CACYBP: variants seen among roughly 807,000 people sequenced by gnomAD.
The protein encoded by CACYBP is calcyclin-binding protein.
CACYBP carries 11 observed loss-of-function variants against 29.6 expected under a neutral mutation model. The ratio of observed to expected loss-of-function variants is 0.37; its 90% confidence interval spans 0.23 to 0.61. CACYBP has a LOEUF of 0.61. Ranked by LOEUF, CACYBP falls within the 20% of genes least tolerant of loss-of-function variation. The probability of loss-of-function intolerance (pLI) is 0.65; values close to 1 mark genes in which losing one functional copy is unlikely to be tolerated. For synonymous variants in CACYBP, 73 were observed against 88.3 expected (o/e 0.83, Z 0.97); for missense variants, 163 against 260.7 (o/e 0.63, Z 2.58).
At position 175,008,622 on chromosome 1, in the gene CACYBP, C is replaced by G; in HGVS notation, c.446C>G (p.Thr149Arg). ...CTTTTCTTCCAGGTCAAGACTGATA[C>G]AGTTCTTATATTGTGTAGAAAGAAA... ...EGSSKKVKTD[T>R]VLILCRKKVE... The change falls in exon 5 of 6, where the codon ACA (threonine) becomes AGA (arginine). Residue 149 changes from threonine to arginine, a missense_variant. Thr to Arg is a moderately conservative substitution (Grantham distance 71, BLOSUM62 -1). Transcript: ENST00000367679. 6.5e-7 allele frequency: 1 copy of G among 1,533,564 alleles called. No homozygotes were observed. Among genetic ancestry groups the G allele is most frequent in the Non-Finnish European group, 9.0e-7 (1 of 1,107,056 alleles). The allele number at this position is 1,533,564 out of a possible 1,614,324, so 95.0% of individuals were successfully genotyped here.
intron 2 of CACYBP, among the ~76,000 whole-genome samples, chr1:175,005,697 G>T (rs1672604546): frequency 6.6e-6 from 1 of 152,200 alleles, no homozygotes; most frequent in Admixed American, 6.5e-5. Context: ...ATAGGAAATT[G>T]CACCGTGTAC....
At chr1:175,004,912 T>A (rs765474481) in intron 2 of CACYBP, 79 bp downstream of exon 2, 2 of 926,570 alleles carry the variant, frequency 2.2e-6, no homozygotes, top group Non-Finnish European at 1.8e-6. Context: ...TCATCCCCAA[T>A]GAGTTTTGAG....
In CACYBP at chr1:175,000,099, T is replaced by A. The variant is rs938676835; in HGVS notation, c.-82T>A. 6.5e-6 allele frequency: 10 copies of A among 1,546,660 alleles called. No homozygotes were observed. The highest frequency in any genetic ancestry group is 8.8e-6 in the Non-Finnish European group (10 of 1,141,416). ...GACTCGTGCGGGTAGGCGTCTGCGC[T>A]CGGTTTGAGGGCTCGGCGCGGGGTT... On this transcript the variant is annotated 5_prime_UTR_variant, in exon 1 of 6. Transcript: ENST00000367679.
Position 175,010,002 on chromosome 1 carries a change from G to A in CACYBP, c.610G>A (p.Asp204Asn). 4 of 1,613,330 alleles carry A rather than the reference G, an allele frequency of 2.5e-6. No individual in the cohort carries two copies. The highest frequency in any genetic ancestry group is 2.5e-6 in the Non-Finnish European group (3 of 1,179,344). ...VLKKIYEDGD[D>N]DMKRTINKAW... ...AAAGAAAATTTATGAAGATGGAGAC[G>A]ATGATATGAAGCGAACCATTAATAA... The change falls in exon 6 of 6, where the codon GAT becomes AAT. Residue 204 changes from aspartate to asparagine, a missense_variant. By Grantham distance (23) the Asp-to-Asn change is conservative. Coordinates refer to ENST00000367679, the MANE Select transcript of CACYBP (RefSeq NM_014412.3).
Position 175,000,173 on chromosome 1 carries a change from C to G in CACYBP, c.-8C>G. 1 of 1,607,780 alleles carries G rather than the reference C, an allele frequency of 6.2e-7. No individual in the cohort carries two copies. On this transcript the variant is annotated 5_prime_UTR_variant, in exon 1 of 6. Transcript: ENST00000367679. ...TGCAGCTCGGGACTTCGGCCTGACCCAGCCCCCATGGCTTCAGAAGAGGTA... is the reference window on the plus strand; with the variant it reads ...TGCAGCTCGGGACTTCGGCCTGACCGAGCCCCCATGGCTTCAGAAGAGGTA...
rs572275795 is a variant in CACYBP, at chr1:175,008,970, C to T, written c.530+264C>T. ...CTCTGTTTCGGTAGTTTGAGAGGGGCTTAGGTACCCCTGTATGTTTTAAAT... is the reference window on the plus strand; with the variant it reads ...CTCTGTTTCGGTAGTTTGAGAGGGGTTTAGGTACCCCTGTATGTTTTAAAT... On this transcript the variant is annotated intron_variant, in intron 5 of 5. Coordinates refer to ENST00000367679, the MANE Select transcript of CACYBP (RefSeq NM_014412.3). 9 of 334,064 alleles carry T rather than the reference C, an allele frequency of 2.7e-5. No homozygotes were observed. In the East Asian group the frequency reaches 4.3e-4, roughly 16 times the overall value. The allele number at this position is 334,064 out of a possible 1,614,324, so 20.7% of individuals were successfully genotyped here.
At position 175,000,206 on chromosome 1, in the gene CACYBP, C is replaced by G. The variant is rs1211130892; in HGVS notation, c.15+11C>G. On this transcript the variant is annotated intron_variant, in intron 1 of 5. Coordinates refer to ENST00000367679, the MANE Select transcript of CACYBP (RefSeq NM_014412.3). ...ATGGCTTCAGAAGAGGTAAGTGGTC[C>G]GGCCCCATATTCCTTATGCCCCCCG... is the stretch of plus-strand genomic sequence containing the variant. 1 of 1,605,218 alleles carries G rather than the reference C, an allele frequency of 6.2e-7. No individual in the cohort carries two copies. Among genetic ancestry groups the G allele is most frequent in the Admixed American group, 1.7e-5 (1 of 59,234 alleles).
At chr1:175,006,616 A>G (rs531621444) in intron 2 of CACYBP, 129 bp from the exon 3 acceptor site, 3 of 551,484 alleles carry the variant, frequency 5.4e-6, no homozygotes, top group East Asian at 6.2e-5. Flanking sequence ...TTATATTTCA[A>G]ATTTTTTCAT....
In CACYBP at chr1:175,000,097, G is replaced by A. The variant is rs1380676820; in HGVS notation, c.-84G>A. On this transcript the variant is annotated 5_prime_UTR_variant, in exon 1 of 6. Coordinates refer to ENST00000367679, the MANE Select transcript of CACYBP (RefSeq NM_014412.3). Reference sequence around the variant, plus strand: ...GCGACTCGTGCGGGTAGGCGTCTGCGCTCGGTTTGAGGGCTCGGCGCGGGG... The same window carrying A: ...GCGACTCGTGCGGGTAGGCGTCTGCACTCGGTTTGAGGGCTCGGCGCGGGG... 11 of 1,542,708 alleles carry A rather than the reference G, an allele frequency of 7.1e-6. No individual in the cohort carries two copies. Among genetic ancestry groups the A allele is most frequent in the Admixed American group, 3.9e-5 (2 of 51,672 alleles).
chr1:175,005,549 A>G (rs993111295), intron 2 of CACYBP, among the ~76,000 whole-genome samples: 11 of 152,210 alleles, frequency 7.2e-5, no homozygotes, highest in African/African-American at 2.2e-4. Flanking sequence ...TGAGTCGTAC[A>G]TTCAGCAAGT....
At chr1:175,003,769 G>GA (rs1005494149) in intron 1 of CACYBP, among the ~76,000 whole-genome samples, 1 of 151,726 alleles carries the variant, frequency 6.6e-6, no homozygotes, top group Non-Finnish European at 1.5e-5. Flanking sequence ...GTAATTGGGG[G>GA]AAAAAAAACT....
Position 175,011,932 on chromosome 1 carries a change from GTC to G in CACYBP, c.*1857_*1858del, listed in dbSNP as rs1672767151. ...CATCTGGCCAACATGGTGAAACCCT[GTC>G]TCTACTGAAAATAAAAAAAACTAGC... is the stretch of plus-strand genomic sequence containing the variant. On this transcript the variant is annotated 3_prime_UTR_variant, in exon 6 of 6. Coordinates refer to ENST00000367679, the MANE Select transcript of CACYBP (RefSeq NM_014412.3). Among the ~76,000 whole-genome samples the G allele has an allele frequency of 6.6e-6, 1 of 152,164 alleles. No homozygotes were observed. The highest frequency in any genetic ancestry group is 2.4e-5 in the African/African-American group (1 of 41,442).
At chr1:175,000,636 C>T (rs1672452729) in intron 1 of CACYBP, 2 of 1,026,454 alleles carry the variant, frequency 1.9e-6, no homozygotes, top group Admixed American at 5.9e-5. Flanking sequence ...TTCTCCTAGT[C>T]AGGTTTTCTC....
intron 1 of CACYBP, among the ~76,000 whole-genome samples, chr1:175,002,236 G>A (rs1462822813): frequency 6.6e-6 from 1 of 152,186 alleles, no homozygotes; most frequent in Non-Finnish European, 1.5e-5. Flanking sequence ...AGAAATGTTT[G>A]AAGCTTCTGA....
In CACYBP at chr1:175,004,853, A is replaced by G. The variant is rs1175269440; in HGVS notation, c.235+20A>G. 1 of 1,504,248 alleles carries G rather than the reference A, an allele frequency of 6.6e-7. No homozygotes were observed. Among genetic ancestry groups the G allele is most frequent in the African/African-American group, 1.4e-5 (1 of 72,768 alleles). 93.2% of individuals were successfully genotyped at this position (1,504,248 alleles called of 1,614,324 possible). A position where few individuals can be genotyped will look rare whatever the true frequency, so the allele number is the denominator to read the frequency against. Reference sequence around the variant, plus strand: ...ATTATGGTATGACTTGCTTCCCTATAGCCAGTTCTGCCTCCGAGCAACCTA... The same window carrying G: ...ATTATGGTATGACTTGCTTCCCTATGGCCAGTTCTGCCTCCGAGCAACCTA... On this transcript the variant is annotated intron_variant, in intron 2 of 5. Transcript: ENST00000367679.
intron 1 of CACYBP, 61 bp from the exon 2 acceptor site, chr1:175,004,553 C>G (rs368495789): frequency 1.2e-5 from 12 of 988,454 alleles, no homozygotes; most frequent in Non-Finnish European, 1.8e-5. Flanking sequence ...ATGAGTGATA[C>G]GCACAATATC....
Position 174,999,952 on chromosome 1 carries a change from G to C in CACYBP, c.-229G>C. ...GGGTGGGTGGAGCCAGGCTTGGCGG[G>C]CTGTGCGTGCTCGCGGTGGGCGGTG... On this transcript the variant is annotated 5_prime_UTR_variant, in exon 1 of 6. Transcript: ENST00000367679. 3.3e-6 allele frequency: 2 copies of C among 600,380 alleles called. No individual in the cohort carries two copies. Among genetic ancestry groups the C allele is most frequent in the Non-Finnish European group, 5.7e-6 (2 of 350,740 alleles). 37.2% of individuals were successfully genotyped at this position (600,380 alleles called of 1,614,324 possible).
rs1483646502 is a variant in CACYBP, at chr1:175,011,246, C to T, written c.*1167C>T. 1.3e-5 allele frequency: 2 copies of T among 151,834 alleles called. No homozygotes were observed. The highest frequency in any genetic ancestry group is 2.9e-5 in the Non-Finnish European group (2 of 68,010). The allele number at this position is 151,834 out of a possible 1,614,324, so 9.4% of individuals were successfully genotyped here. ...CAGAAACAGTTTATGTATAGGATAG[C>T]TATAAGTAAATACTGAAACACATTA... On this transcript the variant is annotated 3_prime_UTR_variant, in exon 6 of 6. Transcript: ENST00000367679.
chr1:175,000,371 C>T, intron 1 of CACYBP, 176 bp downstream of exon 1: 5 of 1,424,224 alleles, frequency 3.5e-6, no homozygotes, highest in Non-Finnish European at 4.6e-6. Context: ...CCGTCGGCTC[C>T]CCAGCGCTTC....
Sources: allele counts gnomAD v4.1 joint callset (sites outside exome capture counted in the v4.1 genomes callset), GRCh38; gene constraint gnomAD v4.1.1; transcripts MANE v1.5; gene names NCBI Gene and HGNC (gene_info 2026-07-23, HGNC 2026-07-21).